The following GALNT7 variants were observed in gnomAD, a reference collection of about 807,000 sequenced individuals.
GALNT7 encodes the protein N-acetylgalactosaminyltransferase 7.
A neutral mutation model predicts 82.1 loss-of-function variants in GALNT7; 60 were observed. That is an observed-to-expected ratio of 0.73 (90% CI 0.59 to 0.91). The LOEUF is 0.91. Among genes scored for constraint, GALNT7 ranks in the 40% least tolerant of loss-of-function variants. The pLI, the probability that GALNT7 is intolerant of heterozygous loss-of-function variation, is 0.00. For synonymous variants in GALNT7, 243 were observed against 275.1 expected (o/e 0.88, Z 1.15); for missense variants, 660 against 804.2 (o/e 0.82, Z 2.17).
intron 9 of GALNT7, chr4:173,316,987 T>C (rs1226418990): frequency 6.6e-6 from 1 of 152,340 alleles, no homozygotes; most frequent in Non-Finnish European, 1.5e-5. Context: ...GCACAGTCCA[T>C]ATTTGCTGAC....
chr4:173,178,065 G>T (rs1303821060), intron 1 of GALNT7, among the ~76,000 whole-genome samples: 1 of 133,520 alleles, frequency 7.5e-6, no homozygotes, highest in Non-Finnish European at 1.6e-5. Context: ...GCGCACGCGC[G>T]TGCGCACAGA....
rs189819845 is a variant in GALNT7, at chr4:173,231,527, G to A, written c.127-16453G>A. Among the ~76,000 whole-genome samples, 13 of 152,280 alleles carry A rather than the reference G, an allele frequency of 8.5e-5. No homozygotes were observed. In the East Asian group the frequency reaches 2.3e-3, roughly 27 times the overall value. On this transcript the variant is annotated intron_variant, in intron 1 of 11. Coordinates refer to ENST00000265000, the MANE Select transcript of GALNT7 (RefSeq NM_017423.3). ...CTTACTGATTGTGTGACTTAATGAT[G>A]TATGATCTCCTCTCTAATCTTTGGC...
chr4:173,284,751 T>C (rs1479726156), intron 2 of GALNT7, among the ~76,000 whole-genome samples: 2 of 152,006 alleles, frequency 1.3e-5, no homozygotes, highest in Non-Finnish European at 2.9e-5. Flanking sequence ...AAAAAACCTT[T>C]TCATTAGCCC....
chr4:173,232,287 C>T (rs1007933346), intron 1 of GALNT7, among the ~76,000 whole-genome samples: 2 of 151,970 alleles, frequency 1.3e-5, no homozygotes, highest in African/African-American at 4.8e-5. Flanking sequence ...AAAAAAATCC[C>T]TGACATATAC....
At chr4:173,272,264 C>T (rs139018597) in intron 2 of GALNT7, among the ~76,000 whole-genome samples, 26 of 152,234 alleles carry the variant, frequency 1.7e-4, no homozygotes, top group Non-Finnish European at 3.4e-4. Flanking sequence ...TATGGACTAT[C>T]TGTAGACCAT....
chr4:173,292,176 G>C lies in GALNT7; in HGVS notation c.656G>C (p.Gly219Ala), dbSNP rs1231639877. 1 of 1,606,422 alleles carries C rather than the reference G, an allele frequency of 6.2e-7. No individual in the cohort carries two copies. Among genetic ancestry groups the C allele is most frequent in the Non-Finnish European group, 8.5e-7 (1 of 1,174,788 alleles). The change falls in exon 3 of 12, where the codon GGA (glycine) becomes GCA (alanine). Residue 219 changes from glycine (G) to alanine (A), a missense_variant. Physicochemically the swap from Gly to Ala is moderately conservative, Grantham distance 60. Coordinates refer to ENST00000265000, the MANE Select transcript of GALNT7 (RefSeq NM_017423.3). The surrounding 1 kb of genome is among the most constrained non-coding windows in gnomAD (Gnocchi z 4.8). ...GTTGTCATTGTCTTCCATAATGAAG[G>C]ATGGTCAACCCTCATGAGAACAGTC... is the stretch of plus-strand genomic sequence containing the variant. ...SSVVIVFHNE[G>A]WSTLMRTVHS...
chr4:173,178,050 T>TGCACGC (rs539639870), intron 1 of GALNT7, among the ~76,000 whole-genome samples: 1 of 117,624 alleles, frequency 8.5e-6, no homozygotes, highest in African/African-American at 3.4e-5. Context: ...TGTGTGTGTG[T>TGCACGC]GTGCGCGCAC....
intron 1 of GALNT7, among the ~76,000 whole-genome samples, chr4:173,212,212 G>A (rs1733302874): frequency 6.6e-6 from 1 of 152,128 alleles, no homozygotes; most frequent in Non-Finnish European, 1.5e-5. Context: ...TGTATGAAGT[G>A]ACCAAACTTA....
At chr4:173,255,622 C>T (rs1300284907) in intron 2 of GALNT7, among the ~76,000 whole-genome samples, 3 of 152,010 alleles carry the variant, frequency 2.0e-5, no homozygotes, top group East Asian at 3.9e-4. Flanking sequence ...TTTTTCTCTC[C>T]GAATAAGTCT....
At chr4:173,264,119 G>A (rs1282425736) in intron 2 of GALNT7, among the ~76,000 whole-genome samples, 3 of 152,174 alleles carry the variant, frequency 2.0e-5, no homozygotes, top group South Asian at 2.1e-4. Flanking sequence ...GGCATATTTC[G>A]ATTTTTCCAC....
At chr4:173,230,562 A>G (rs570618369) in intron 1 of GALNT7, among the ~76,000 whole-genome samples, 7 of 152,328 alleles carry the variant, frequency 4.6e-5, no homozygotes, top group African/African-American at 9.6e-5. Context: ...TAATCTGTTT[A>G]CTATATAAAT....
chr4:173,248,401 T>A lies in GALNT7; in HGVS notation c.548T>A (p.Ile183Asn). The A allele has an allele frequency of 6.2e-7, 1 of 1,613,008 alleles. No individual in the cohort carries two copies. Among genetic ancestry groups the A allele is most frequent in the Non-Finnish European group, 8.5e-7 (1 of 1,179,502 alleles). The change falls in exon 2 of 12, where the codon ATC becomes AAC. Residue 183 changes from isoleucine to asparagine, a missense_variant. Physicochemically the swap from Ile to Asn is moderately radical, Grantham distance 149 (BLOSUM62 -3). Coordinates refer to ENST00000265000, the MANE Select transcript of GALNT7 (RefSeq NM_017423.3). ...FGFNMVASDM[I>N]SLDRSVNDLR... is the part of the protein sequence containing the mutation. ...TTTAACATGGTGGCAAGTGACATGA[T>A]CTCACTGGACCGCAGCGTCAATGAC... is the stretch of plus-strand genomic sequence containing the variant.
At chr4:173,316,634 T>C (rs930286821) in intron 9 of GALNT7, 1 of 152,242 alleles carries the variant, frequency 6.6e-6, no homozygotes, top group Non-Finnish European at 1.5e-5. Flanking sequence ...TACTTAATAT[T>C]TGATGATTGA....
At chr4:173,178,050 TGTGC>T (rs1401243572) in intron 1 of GALNT7, among the ~76,000 whole-genome samples, 29 of 117,620 alleles carry the variant, frequency 2.5e-4, no homozygotes, top group Admixed American at 9.4e-4. Flanking sequence ...TGTGTGTGTG[TGTGC>T]GCGCACGCGC....
chr4:173,298,424 C>G (rs2126840909), intron 6 of GALNT7, 127 bp downstream of exon 6: 1 of 652,352 alleles, frequency 1.5e-6, no homozygotes, highest in East Asian at 2.8e-5. Context: ...GAACATCTTT[C>G]CTTACACTGT....
At chr4:173,297,691 C>T (rs1188778337) in intron 5 of GALNT7, 1 of 518,222 alleles carries the variant, frequency 1.9e-6, no homozygotes, top group African/African-American at 2.0e-5. Flanking sequence ...ATTAAAGTCC[C>T]CTAGTGCACA....
intron 1 of GALNT7, among the ~76,000 whole-genome samples, chr4:173,187,843 T>C (rs1228148053): frequency 2.0e-5 from 3 of 152,210 alleles, no homozygotes; most frequent in Admixed American, 6.5e-5. Context: ...AATTTCTCTT[T>C]TCTTTCTCCT....
chr4:173,221,147 A>G (rs1215189020), intron 1 of GALNT7, among the ~76,000 whole-genome samples: 1 of 151,812 alleles, frequency 6.6e-6, no homozygotes, highest in Non-Finnish European at 1.5e-5. Flanking sequence ...ATTTCTCCAC[A>G]TCCTCTCCAG....
rs892644111 is a variant in GALNT7 at position 173,292,550 on chromosome 4, G to A, written c.754+276G>A. 6.6e-6 allele frequency among the ~76,000 whole-genome samples: 1 copy of A among 152,140 alleles called. No homozygotes were observed. The highest frequency in any genetic ancestry group is 2.4e-5 in the African/African-American group (1 of 41,440). ...TGGTTGTACACAAAAATTCAGTAAA[G>A]TATACCACTGATTATAATGTTAGAA... On this transcript the variant is annotated intron_variant, in intron 3 of 11. Transcript: ENST00000265000. This position sits in a 1 kb window ranked among gnomAD's most constrained non-coding sequence, Gnocchi z 4.8.
Sources: gnomAD v4.1 joint callset for allele counts (sites outside exome capture counted in the v4.1 genomes callset) on GRCh38, gnomAD v4.1.1 for gene constraint, Gnocchi (gnomAD v3.1) non-coding constraint, MANE v1.5 for transcripts, NCBI Gene and HGNC (gene_info 2026-07-23, HGNC 2026-07-21) for gene names.